Variants in KIAA0586 observed in about 807,000 individuals in gnomAD.
KIAA0586 encodes the protein KIAA0586, also known as protein TALPID3.
In KIAA0586, 144 loss-of-function variants were observed where a neutral mutation model predicts 169.8. That is an observed-to-expected ratio of 0.85 (90% CI 0.74 to 0.97). The LOEUF (loss-of-function observed/expected upper bound fraction) is 0.97, where lower values mean the gene tolerates loss of function less well. Ranked by LOEUF, KIAA0586 falls within the 50% of genes least tolerant of loss-of-function variation. The pLI is 0.00. For missense variants in KIAA0586, 1,854 were observed against 1,823.0 expected (o/e 1.02, Z -0.31); for synonymous variants, 625 against 612.4 (o/e 1.02, Z -0.30).
downstream of KIAA0586, among the ~76,000 whole-genome samples, chr14:58,554,601 G>A (rs1426058448): frequency 2.0e-5 from 3 of 152,138 alleles, no homozygotes; most frequent in African/African-American, 4.8e-5. Context: ...TAGTCTTGTG[G>A]CCATTAACAC....
rs766453312 is a variant in KIAA0586 at position 58,460,032 on chromosome 14, G to T, written c.1846G>T (p.Gly616Cys). 280 of 1,531,508 alleles carry T rather than the reference G, an allele frequency of 1.8e-4. No homozygotes were observed. Among genetic ancestry groups the T allele is most frequent in the Non-Finnish European group, 2.2e-4 (247 of 1,144,544 alleles). 94.9% of individuals were successfully genotyped at this position (1,531,508 alleles called of 1,614,324 possible). A position where few individuals can be genotyped will look rare whatever the true frequency, so the allele number is the denominator to read the frequency against. ...GCATTTTAGAAATCTACCTATGAGG[G>T]GCATGCCTGCTTCAAGTTTACAGAA... ...EEHFRNLPMR[G>C]MPASSLQKER... The change falls in exon 13 of 31, where the codon GGC becomes TGC. Residue 616 changes from glycine to cysteine, a missense_variant. Transcript: ENST00000652326.
chr14:58,427,481 C>T, upstream of KIAA0586: 1 of 1,055,166 alleles, frequency 9.5e-7, no homozygotes, highest in African/African-American at 1.6e-5. Flanking sequence ...GGGAGCTCTT[C>T]AAGTCTTGGA....
chr14:58,450,307 AT>A (rs1251612203), intron 7 of KIAA0586, among the ~76,000 whole-genome samples: 10 of 152,308 alleles, frequency 6.6e-5, no homozygotes, highest in African/African-American at 2.2e-4. Context: ...TTTCACTGCC[AT>A]GAAAAGTATC....
chr14:58,473,345 A>G (rs566347828), intron 18 of KIAA0586, among the ~76,000 whole-genome samples: 2 of 152,282 alleles, frequency 1.3e-5, no homozygotes, highest in East Asian at 1.9e-4. Flanking sequence ...GATAAATGCA[A>G]TTCATGTTAT....
intron 29 of KIAA0586, among the ~76,000 whole-genome samples, chr14:58,532,143 C>G (rs772779782): frequency 6.6e-6 from 1 of 151,490 alleles, no homozygotes; most frequent in Non-Finnish European, 1.5e-5. Context: ...TGTAACAAAC[C>G]TGCACGTTCT....
At chr14:58,437,545 TA>T (rs1189820317) in intron 4 of KIAA0586, among the ~76,000 whole-genome samples, 1 of 151,494 alleles carries the variant, frequency 6.6e-6, no homozygotes, top group Admixed American at 6.6e-5. Context: ...ACCCCATCTC[TA>T]AAAACAATAA....
chr14:58,504,683 C>A (rs1331837978), intron 27 of KIAA0586, among the ~76,000 whole-genome samples: 2 of 151,842 alleles, frequency 1.3e-5, no homozygotes, highest in African/African-American at 4.8e-5. Context: ...TTTAAATATC[C>A]CTCTTTTAAA....
chr14:58,508,983 A>G (rs1262278103), intron 28 of KIAA0586, among the ~76,000 whole-genome samples: 1 of 152,120 alleles, frequency 6.6e-6, no homozygotes, highest in Non-Finnish European at 1.5e-5. Context: ...TAATCCCAGC[A>G]CTCTGGGAGG....
chr14:58,485,822 A>G lies in KIAA0586; in HGVS notation c.3145-1185A>G, dbSNP rs2042400270. 1.3e-5 allele frequency among the ~76,000 whole-genome samples: 2 copies of G among 152,026 alleles called. 1 individual carries two copies. Among genetic ancestry groups the G allele is most frequent in the South Asian group, 4.1e-4 (2 of 4,822 alleles). On this transcript the variant is annotated intron_variant, in intron 21 of 30. Coordinates refer to ENST00000652326, the MANE Select transcript of KIAA0586 (RefSeq NM_001329943.3). ...TTCTTATCCTTCCATTACTTTTTAT[A>G]TACTCAGTTTGTGTGTGTGTGCAAA...
the KIAA0586 span, among the ~76,000 whole-genome samples, chr14:58,559,206 G>A: frequency 6.6e-6 from 1 of 152,306 alleles, no homozygotes; most frequent in East Asian, 1.9e-4. Flanking sequence ...TCACCTATTA[G>A]CTAAGAATTT....
At chr14:58,473,838 G>A (rs191928453) in intron 18 of KIAA0586, among the ~76,000 whole-genome samples, 1 of 152,052 alleles carries the variant, frequency 6.6e-6, no homozygotes, top group Non-Finnish European at 1.5e-5. Flanking sequence ...CCCAGGAGGT[G>A]GAGGTTGCAG....
Position 58,460,041 on chromosome 14 carries a change from G to A in KIAA0586, c.1855G>A (p.Ala619Thr). 6.5e-7 allele frequency: 1 copy of A among 1,528,666 alleles called. No homozygotes were observed. Among genetic ancestry groups the A allele is most frequent in the Non-Finnish European group, 8.8e-7 (1 of 1,142,498 alleles). The allele number at this position is 1,528,666 out of a possible 1,614,324, so 94.7% of individuals were successfully genotyped here. Reference protein sequence around the residue: ...FRNLPMRGMPASSLQKERKEG... With the variant: ...FRNLPMRGMPTSSLQKERKEG... ...AAATCTACCTATGAGGGGCATGCCT[G>A]CTTCAAGTTTACAGAAAGAGAGAAA... is the stretch of plus-strand genomic sequence containing the variant. Residue 619 changes from alanine to threonine, a missense_variant, in exon 13 of 31, where the codon GCT (alanine) becomes ACT (threonine). Coordinates refer to ENST00000652326, the MANE Select transcript of KIAA0586 (RefSeq NM_001329943.3).
At chr14:58,495,817 T>G (rs1330024093) in intron 26 of KIAA0586, among the ~76,000 whole-genome samples, 1 of 152,038 alleles carries the variant, frequency 6.6e-6, no homozygotes, top group Non-Finnish European at 1.5e-5. Context: ...ATAAAATCCT[T>G]TTTTTGTACT....
intron 20 of KIAA0586, among the ~76,000 whole-genome samples, chr14:58,480,237 C>T (rs1040880348): frequency 2.7e-4 from 41 of 151,594 alleles, no homozygotes; most frequent in African/African-American, 9.5e-4. Context: ...TTTTCAAATC[C>T]TTGTTTTACT....
intron 4 of KIAA0586, 48 bp from the exon 5 acceptor site, chr14:58,442,658 T>TA: frequency 7.5e-7 from 1 of 1,327,712 alleles, no homozygotes; most frequent in Non-Finnish European, 1.0e-6. Context: ...TCTTGAAATG[T>TA]TTCAATGTAG....
chr14:58,453,452 G>T lies in KIAA0586; in HGVS notation c.1232G>T (p.Trp411Leu). Residue 411 changes from tryptophan (W) to leucine (L), a missense_variant, in exon 9 of 31, where the codon TGG becomes TTG. Coordinates refer to ENST00000652326, the MANE Select transcript of KIAA0586 (RefSeq NM_001329943.3). ...TTSLTRSKIG[W>L]TPEKTNRFPS... ...TCACTAACTAGGTCAAAAATAGGATGGACTCCTGAGAAAACAAACAGGTAA... is the reference window on the plus strand; with the variant it reads ...TCACTAACTAGGTCAAAAATAGGATTGACTCCTGAGAAAACAAACAGGTAA... 6.6e-7 allele frequency: 1 copy of T among 1,515,644 alleles called. No individual in the cohort carries two copies. The highest frequency in any genetic ancestry group is 8.8e-7 in the Non-Finnish European group (1 of 1,133,998). 93.9% of individuals were successfully genotyped at this position (1,515,644 alleles called of 1,614,324 possible).
chr14:58,502,671 G>T (rs921050216), intron 27 of KIAA0586, among the ~76,000 whole-genome samples: 1 of 152,146 alleles, frequency 6.6e-6, no homozygotes, highest in Non-Finnish European at 1.5e-5. Flanking sequence ...CTCAGTGCTT[G>T]GCACATGGTG....
chr14:58,540,616 C>T (rs886292584), intron 30 of KIAA0586, among the ~76,000 whole-genome samples: 12 of 152,166 alleles, frequency 7.9e-5, no homozygotes, highest in African/African-American at 2.2e-4. Context: ...ATAAGAACTG[C>T]TTTGTTTTTA....
chr14:58,497,322 A>T (rs1951148838), intron 26 of KIAA0586, among the ~76,000 whole-genome samples: 1 of 150,750 alleles, frequency 6.6e-6, no homozygotes, highest in Non-Finnish European at 1.5e-5. Context: ...GGAAAATAAC[A>T]TTATTAAATA....
Sources: allele counts gnomAD v4.1 joint callset (sites outside exome capture counted in the v4.1 genomes callset), GRCh38; gene constraint gnomAD v4.1.1; transcripts MANE v1.5; gene names NCBI Gene and HGNC (gene_info 2026-07-23, HGNC 2026-07-21).